The following AKAP6 variants were observed in gnomAD, a reference collection of about 807,000 sequenced individuals.
AKAP6 encodes the protein A-kinase anchoring protein 6, also known as A-kinase anchor protein 6.
In AKAP6, 58 loss-of-function variants were observed where a neutral mutation model predicts 188.5. That is an observed-to-expected ratio of 0.31 (90% CI 0.25 to 0.38). AKAP6 has a LOEUF of 0.38. AKAP6 is among the 10% of genes least tolerant of loss of function. The pLI is 1.00. For missense variants in AKAP6, 2,710 were observed against 2,740.0 expected, an observed-to-expected ratio of 0.99 and a Z score of 0.24; for synonymous variants, 989 against 998.6, an observed-to-expected ratio of 0.99 and a Z score of 0.18.
intron 2 of AKAP6, among the ~76,000 whole-genome samples, chr14:32,496,865 T>C (rs929209503): frequency 1.5e-4 from 23 of 152,194 alleles, no homozygotes; most frequent in African/African-American, 5.3e-4. Flanking sequence ...TATATTCTTA[T>C]AATTGAAGTA....
chr14:32,727,900 G>T (rs1342883988), intron 9 of AKAP6, among the ~76,000 whole-genome samples: 1 of 152,178 alleles, frequency 6.6e-6, no homozygotes, highest in Non-Finnish European at 1.5e-5. Flanking sequence ...TCTTCTTGAA[G>T]TGTTGGTGGT....
chr14:32,824,313 A>T lies in AKAP6; in HGVS notation c.6500A>T (p.Glu2167Val), dbSNP rs765231969. ...TGTGTTGAGGGTGACTCTGATGGAG[A>T]GGAGCCTTGTTTCTCTAGTGCTCCT... Reference protein sequence around the residue: ...EACVEGDSDGEEPCFSSAPPN... With the variant: ...EACVEGDSDGVEPCFSSAPPN... Residue 2167 changes from glutamate to valine, a missense_variant, in exon 13 of 14, where the codon GAG (glutamate) becomes GTG (valine). Physicochemically the swap from Glu to Val is moderately radical, Grantham distance 121. Around this residue, in one of 2 missense-constraint regions of AKAP6, gnomAD observed 2,473 missense variants for 2,426.1 expected, o/e 1.02. Coordinates refer to ENST00000280979, the MANE Select transcript of AKAP6 (RefSeq NM_004274.5). The T allele has an allele frequency of 1.4e-5, 22 of 1,613,806 alleles. No individual in the cohort carries two copies. In the South Asian group the frequency reaches 2.4e-4, roughly 18 times the overall value.
At chr14:32,733,977 T>A (rs1243516781) in intron 10 of AKAP6, 1 of 152,166 alleles carries the variant, frequency 6.6e-6, no homozygotes, top group East Asian at 1.9e-4. Flanking sequence ...TTGTTTAAGT[T>A]ATGTCACATG....
intron 2 of AKAP6, among the ~76,000 whole-genome samples, chr14:32,489,948 G>A (rs563030170): frequency 6.6e-6 from 1 of 152,212 alleles, no homozygotes; most frequent in South Asian, 2.1e-4. Context: ...CAAAAGGGTG[G>A]TGGGATTATC....
At chr14:32,407,276 C>T (rs1356618021) in intron 1 of AKAP6, among the ~76,000 whole-genome samples, 1 of 152,196 alleles carries the variant, frequency 6.6e-6, no homozygotes, top group Non-Finnish European at 1.5e-5. Context: ...TAATAGGCTT[C>T]ATGTCAGATG....
chr14:32,570,666 C>T (rs1415284208), intron 4 of AKAP6, among the ~76,000 whole-genome samples: 1 of 152,082 alleles, frequency 6.6e-6, no homozygotes, highest in African/African-American at 2.4e-5. Context: ...GTTACTGTCC[C>T]CATCTTACAG....
At chr14:32,703,385 C>T (rs1243388223) in intron 9 of AKAP6, among the ~76,000 whole-genome samples, 2 of 152,168 alleles carry the variant, frequency 1.3e-5, no homozygotes, top group African/African-American at 4.8e-5. Flanking sequence ...GCAGTGTGCT[C>T]CTAGAAAACT....
At chr14:32,773,597 T>G in intron 11 of AKAP6, 81 bp from the exon 12 acceptor site, 1 of 1,309,142 alleles carries the variant, frequency 7.6e-7, no homozygotes. Context: ...CAATTTGAAA[T>G]TATGATGGAA....
At chr14:32,677,160 C>CT (rs2139634336) in intron 7 of AKAP6, among the ~76,000 whole-genome samples, 1 of 152,252 alleles carries the variant, frequency 6.6e-6, no homozygotes, top group Admixed American at 6.5e-5. Context: ...TACCCATTTC[C>CT]TTTATAGAGT....
intron 1 of AKAP6, among the ~76,000 whole-genome samples, chr14:32,432,066 T>G (rs1890244624): frequency 6.6e-6 from 1 of 151,976 alleles, no homozygotes; most frequent in African/African-American, 2.4e-5. Context: ...TTGCTTTTCT[T>G]TTTTTTTGCT....
At chr14:32,395,981 T>C (rs1888866152) in intron 1 of AKAP6, among the ~76,000 whole-genome samples, 1 of 152,132 alleles carries the variant, frequency 6.6e-6, no homozygotes, top group African/African-American at 2.4e-5. Flanking sequence ...TGTCTGGTAA[T>C]CTATGGAAAT....
At chr14:32,604,590 G>T (rs574994727) in intron 7 of AKAP6, among the ~76,000 whole-genome samples, 2 of 152,264 alleles carry the variant, frequency 1.3e-5, no homozygotes, top group South Asian at 4.1e-4. Flanking sequence ...AGATTCTGAA[G>T]CCAGACTGCT....
chr14:32,601,999 A>C (rs1030085231), intron 7 of AKAP6, among the ~76,000 whole-genome samples: 1 of 152,224 alleles, frequency 6.6e-6, no homozygotes, highest in Non-Finnish European at 1.5e-5. Context: ...GTTGCATTTC[A>C]GGAAGTACTT....
At chr14:32,730,536 A>G (rs1295943069) in intron 9 of AKAP6, among the ~76,000 whole-genome samples, 1 of 152,044 alleles carries the variant, frequency 6.6e-6, no homozygotes, top group African/African-American at 2.4e-5. Context: ...GTGCTGTGTG[A>G]GAGCTGTTTA....
intron 8 of AKAP6, among the ~76,000 whole-genome samples, chr14:32,678,726 A>C (rs1889545554): frequency 6.6e-6 from 1 of 152,176 alleles, no homozygotes; most frequent in African/African-American, 2.4e-5. Context: ...TGTGACTACG[A>C]TGTGCCTTTA....
intron 4 of AKAP6, among the ~76,000 whole-genome samples, chr14:32,558,142 A>G (rs1883771354): frequency 1.3e-5 from 2 of 152,220 alleles, no homozygotes. Context: ...TCAGTTTTGT[A>G]ATTAAAATGA....
At chr14:32,786,677 CCTCT>C (rs1299851967) in intron 12 of AKAP6, among the ~76,000 whole-genome samples, 2 of 151,946 alleles carry the variant, frequency 1.3e-5, no homozygotes, top group Non-Finnish European at 2.9e-5. Flanking sequence ...TGTTTTCTTA[CCTCT>C]CTAACTCTCA....
At chr14:32,556,791 C>G (rs1244297682) in intron 4 of AKAP6, among the ~76,000 whole-genome samples, 1 of 151,984 alleles carries the variant, frequency 6.6e-6, no homozygotes, top group Non-Finnish European at 1.5e-5. Flanking sequence ...GCTTTTGTTG[C>G]CTGTGGTTTT....
chr14:32,502,811 G>T (rs1304575723), intron 2 of AKAP6, among the ~76,000 whole-genome samples: 2 of 152,060 alleles, frequency 1.3e-5, no homozygotes, highest in Non-Finnish European at 2.9e-5. Context: ...GTTGTGTAGT[G>T]CTCTACTGAA....
Sources: gnomAD v4.1 joint callset for allele counts (sites outside exome capture counted in the v4.1 genomes callset) on GRCh38, gnomAD v4.1.1 for gene constraint, gnomAD v4.1.1 regional missense constraint, MANE v1.5 for transcripts, NCBI Gene and HGNC (gene_info 2026-07-23, HGNC 2026-07-21) for gene names.